CADM2: variants seen among roughly 807,000 people sequenced by gnomAD.
CADM2 encodes the protein cell adhesion molecule 2.
CADM2 carries 12 observed loss-of-function variants against 49.8 expected under a neutral mutation model. The observed-to-expected ratio is 0.24, with a 90% CI of 0.15 to 0.39. The LOEUF (loss-of-function observed/expected upper bound fraction) is 0.39, where lower values mean the gene tolerates loss of function less well. CADM2 is among the 10% of genes least tolerant of loss of function. The pLI is 1.00. For missense variants in CADM2, 378 were observed against 492.3 expected (o/e 0.77, Z 2.20); for synonymous variants, 214 against 175.4 (o/e 1.22, Z -1.74).
intron 1 of CADM2, among the ~76,000 whole-genome samples, chr3:85,421,488 T>C (rs1445539405): frequency 6.6e-6 from 1 of 152,176 alleles, no homozygotes; most frequent in Non-Finnish European, 1.5e-5. Context: ...TGGGAAACAT[T>C]CACTCTCTTA....
chr3:85,307,675 T>C (rs72921344), intron 1 of CADM2, among the ~76,000 whole-genome samples: 14,361 of 151,766 alleles, frequency 0.095, 1,397 homozygotes, highest in African/African-American at 0.25. Flanking sequence ...GGTTACATGA[T>C]TTCCCTCACT....
At chr3:85,050,720 A>G (rs1345920682) in intron 1 of CADM2, among the ~76,000 whole-genome samples, 1 of 152,176 alleles carries the variant, frequency 6.6e-6, no homozygotes, top group Non-Finnish European at 1.5e-5. Context: ...CACAAGCGAT[A>G]TCTGCACCTA....
At chr3:85,485,944 A>T (rs989346821) in intron 1 of CADM2, among the ~76,000 whole-genome samples, 2 of 152,098 alleles carry the variant, frequency 1.3e-5, no homozygotes, top group African/African-American at 4.8e-5. Flanking sequence ...AGGATTTTAC[A>T]TTCAGTATAG....
intron 2 of CADM2, among the ~76,000 whole-genome samples, chr3:85,730,440 TAAATAAAATAAAATAAAATA>T (rs57097045): frequency 3.4e-5 from 5 of 146,014 alleles, no homozygotes; most frequent in Non-Finnish European, 6.0e-5. Context: ...AGACTCTGTC[TAAATAAAATAAAATAAAATA>T]AAATAAAATA....
At chr3:85,898,478 C>T (rs1715580832) in intron 5 of CADM2, among the ~76,000 whole-genome samples, 1 of 151,990 alleles carries the variant, frequency 6.6e-6, no homozygotes, top group African/African-American at 2.4e-5. Flanking sequence ...TACCTCAGTC[C>T]CAGGAAACCA....
At chr3:84,996,145 T>C (rs1156471251) in intron 1 of CADM2, among the ~76,000 whole-genome samples, 1 of 152,184 alleles carries the variant, frequency 6.6e-6, no homozygotes, top group East Asian at 1.9e-4. Context: ...AATTGTGGAC[T>C]ACACCAACTT....
intron 1 of CADM2, among the ~76,000 whole-genome samples, chr3:85,500,435 C>T: frequency 6.6e-6 from 1 of 151,824 alleles, no homozygotes. Flanking sequence ...CTTAGTAATA[C>T]ATAAAATAAT....
intron 6 of CADM2, among the ~76,000 whole-genome samples, chr3:85,922,832 T>A (rs1719310946): frequency 1.3e-5 from 2 of 151,722 alleles, no homozygotes; most frequent in Admixed American, 6.6e-5. Flanking sequence ...TTTGTTGTTT[T>A]TTTTTTTGAG....
At chr3:85,800,498 T>C (rs1839171) in intron 2 of CADM2, 101,185 of 153,260 alleles carry the variant, frequency 0.66, 33,904 homozygotes, top group African/African-American at 0.76. Flanking sequence ...CCCAAATGGC[T>C]GCCCAGTTTT....
At chr3:85,521,564 A>G (rs2061026396) in intron 1 of CADM2, among the ~76,000 whole-genome samples, 1 of 152,188 alleles carries the variant, frequency 6.6e-6, no homozygotes, top group Non-Finnish European at 1.5e-5. Context: ...CTGTAAGTGA[A>G]TATTTGGAAA....
chr3:85,249,965 G>C (rs1283082031), intron 1 of CADM2, among the ~76,000 whole-genome samples: 1 of 151,630 alleles, frequency 6.6e-6, no homozygotes, highest in Non-Finnish European at 1.5e-5. Context: ...TGACCATATT[G>C]ACAATAACAT....
intron 1 of CADM2, among the ~76,000 whole-genome samples, chr3:85,359,548 C>T (rs962359182): frequency 6.8e-6 from 1 of 146,946 alleles, no homozygotes; most frequent in South Asian, 2.2e-4. Context: ...TAAGGCAACC[C>T]TGAAGTGATA....
At chr3:85,350,985 T>C (rs1036255313) in intron 1 of CADM2, among the ~76,000 whole-genome samples, 1 of 152,146 alleles carries the variant, frequency 6.6e-6, no homozygotes, top group African/African-American at 2.4e-5. Context: ...GAAAAAATAT[T>C]CTCAAAAATA....
intron 1 of CADM2, among the ~76,000 whole-genome samples, chr3:85,325,226 A>G (rs1267598510): frequency 6.6e-6 from 1 of 152,202 alleles, no homozygotes; most frequent in East Asian, 1.9e-4. Context: ...AAAGAATTCC[A>G]TTTCCATAAA....
rs1242286884 is a variant in CADM2 at position 85,802,132 on chromosome 3, T to C, written c.174T>C (p.Asn58=). Residue 58 remains asparagine (N), a synonymous_variant, in exon 3 of 10, where the codon AAT becomes AAC. Coordinates refer to ENST00000383699, the MANE Select transcript of CADM2 (RefSeq NM_001167675.2). ...TAILTCRVDQ[N]DNTSLQWSNP... is the part of the protein sequence containing the mutation. ...TTTTGACCTGCAGGGTTGATCAAAA[T>C]GATAACACCTCCCTCCAGTGGTCAA... is the stretch of plus-strand genomic sequence containing the variant. 3.1e-6 allele frequency: 5 copies of C among 1,613,482 alleles called. No individual in the cohort carries two copies. The South Asian group carries it at 5.5e-5, about 18-fold the overall frequency.
chr3:85,753,782 C>T (rs62261700), intron 2 of CADM2, among the ~76,000 whole-genome samples: 5 of 151,862 alleles, frequency 3.3e-5, no homozygotes, highest in Non-Finnish European at 5.9e-5. Context: ...AACTCGTATG[C>T]GTCTGCAGCA....
chr3:84,995,476 G>A (rs768835108), intron 1 of CADM2, among the ~76,000 whole-genome samples: 12 of 152,054 alleles, frequency 7.9e-5, no homozygotes, highest in Non-Finnish European at 1.8e-4. Context: ...ACACTATAAC[G>A]GAAAGAAGCT....
intron 3 of CADM2, among the ~76,000 whole-genome samples, chr3:85,879,589 A>G (rs565108584): frequency 3.9e-5 from 6 of 152,260 alleles, no homozygotes; most frequent in African/African-American, 1.4e-4. Context: ...CTTGTGTAGT[A>G]AATGTGTACA....
At chr3:85,379,978 A>G (rs887881302) in intron 1 of CADM2, among the ~76,000 whole-genome samples, 4 of 152,006 alleles carry the variant, frequency 2.6e-5, no homozygotes, top group Non-Finnish European at 5.9e-5. Context: ...TCTGTTTTTC[A>G]ATGACTTTGA....
Sources: gnomAD v4.1 joint callset for allele counts (sites outside exome capture counted in the v4.1 genomes callset) on GRCh38, gnomAD v4.1.1 for gene constraint, MANE v1.5 for transcripts, NCBI Gene and HGNC (gene_info 2026-07-23, HGNC 2026-07-21) for gene names.